The following NAV3 variants were observed in gnomAD, a reference collection of about 807,000 sequenced individuals.
NAV3 encodes pore membrane and/or filament interacting like protein 1.
NAV3 carries 87 observed loss-of-function variants against 244.7 expected under a neutral mutation model. The observed-to-expected ratio is 0.36, with a 90% CI of 0.30 to 0.42. NAV3 has a LOEUF of 0.42. Among genes scored for constraint, NAV3 ranks in the 20% least tolerant of loss-of-function variants. The pLI is 1.00. For synonymous variants in NAV3, 1,126 were observed against 1,042.2 expected (o/e 1.08, Z -1.55); for missense variants, 2,663 against 2,893.3 (o/e 0.92, Z 1.83).
intron 9 of NAV3, among the ~76,000 whole-genome samples, chr12:78,024,046 T>C (rs1380076855): frequency 6.6e-6 from 1 of 152,196 alleles, no homozygotes; most frequent in Non-Finnish European, 1.5e-5. Flanking sequence ...ATCATTTCAG[T>C]ATTCTTCCTT....
intron 2 of NAV3, among the ~76,000 whole-genome samples, chr12:77,585,791 G>T (rs1869579247): frequency 6.6e-6 from 1 of 152,128 alleles, no homozygotes; most frequent in African/African-American, 2.4e-5. Context: ...CTGGGGGTTG[G>T]GCACCCTTGA....
chr12:78,104,972 G>C (rs752318972), intron 12 of NAV3, among the ~76,000 whole-genome samples: 9 of 152,040 alleles, frequency 5.9e-5, no homozygotes, highest in Non-Finnish European at 1.0e-4. Flanking sequence ...CTTTCTAAAT[G>C]AGTTTTTGTT....
chr12:77,697,662 G>A (rs1282152806), intron 2 of NAV3, among the ~76,000 whole-genome samples: 2 of 151,940 alleles, frequency 1.3e-5, no homozygotes, highest in South Asian at 2.1e-4. Flanking sequence ...TTTAGTAAGT[G>A]GTTATATATA....
chr12:78,200,630 A>T (rs1184055184), intron 38 of NAV3, 39 bp downstream of exon 38: 1 of 1,249,394 alleles, frequency 8.0e-7, no homozygotes, highest in Admixed American at 2.4e-5. Context: ...TTTTTTAAAA[A>T]AAAAAAGCAA....
At chr12:78,025,593 C>A (rs1877898058) in intron 9 of NAV3, among the ~76,000 whole-genome samples, 3 of 49,496 alleles carry the variant, frequency 6.1e-5, no homozygotes, top group Admixed American at 3.0e-4. Flanking sequence ...TAGACTCCAT[C>A]TCAAAAAAAA....
chr12:77,978,477 G>A (rs1281185895), intron 5 of NAV3, among the ~76,000 whole-genome samples: 2 of 152,020 alleles, frequency 1.3e-5, no homozygotes, highest in Non-Finnish European at 2.9e-5. Flanking sequence ...GATTATATAT[G>A]TAATTATTTC....
chr12:77,784,155 A>C (rs1468146862), intron 2 of NAV3, among the ~76,000 whole-genome samples: 1 of 152,198 alleles, frequency 6.6e-6, no homozygotes, highest in Non-Finnish European at 1.5e-5. Context: ...CCTGCCACTC[A>C]GTAACAACAC....
chr12:77,933,180 G>A (rs752901482), intron 1 of NAV3, among the ~76,000 whole-genome samples: 17 of 152,104 alleles, frequency 1.1e-4, no homozygotes, highest in Non-Finnish European at 1.9e-4. Flanking sequence ...TAAATTACTT[G>A]ATCAGATTTG....
chr12:77,661,241 C>T (rs991610514), intron 2 of NAV3, among the ~76,000 whole-genome samples: 3 of 152,110 alleles, frequency 2.0e-5, no homozygotes, highest in Non-Finnish European at 4.4e-5. Flanking sequence ...CCCTCAACAG[C>T]TTCAGTTTGT....
chr12:78,182,103 T>G (rs925835868), intron 30 of NAV3, among the ~76,000 whole-genome samples: 4 of 152,008 alleles, frequency 2.6e-5, no homozygotes, highest in African/African-American at 9.7e-5. Context: ...CAAGTACAAC[T>G]AATGTCAGAA....
At chr12:77,802,118 G>A (rs1481512970) in intron 2 of NAV3, among the ~76,000 whole-genome samples, 3 of 152,126 alleles carry the variant, frequency 2.0e-5, no homozygotes, top group Non-Finnish European at 4.4e-5. Flanking sequence ...TCTTCTAGAA[G>A]GAGCCTTTGG....
chr12:77,669,458 C>CA (rs1417858895), intron 2 of NAV3, among the ~76,000 whole-genome samples: 2 of 152,126 alleles, frequency 1.3e-5, no homozygotes, highest in African/African-American at 4.8e-5. Context: ...TCAGGAGACT[C>CA]ACCTGACACA....
intron 1 of NAV3, among the ~76,000 whole-genome samples, chr12:77,869,723 A>G (rs1182992819): frequency 6.6e-6 from 1 of 152,100 alleles, no homozygotes; most frequent in African/African-American, 2.4e-5. Context: ...TGTTCCTTTC[A>G]TTCAGAGCCC....
intron 22 of NAV3, among the ~76,000 whole-genome samples, chr12:78,154,803 G>C (rs1206106493): frequency 1.3e-5 from 2 of 151,952 alleles, no homozygotes; most frequent in Admixed American, 1.3e-4. Flanking sequence ...AAGTCTCTCA[G>C]ACAAGATGTG....
At chr12:77,667,077 G>C (rs970781391) in intron 2 of NAV3, among the ~76,000 whole-genome samples, 5 of 152,140 alleles carry the variant, frequency 3.3e-5, no homozygotes, top group Non-Finnish European at 7.3e-5. Context: ...TATGCAGAAC[G>C]TAAAGTCTGA....
At chr12:78,110,426 G>A (rs977879648) in intron 12 of NAV3, among the ~76,000 whole-genome samples, 1 of 151,928 alleles carries the variant, frequency 6.6e-6, no homozygotes, top group Non-Finnish European at 1.5e-5. Flanking sequence ...CATAGAATTA[G>A]AATAATCCTA....
chr12:78,200,055 T>C (rs1405429470), intron 37 of NAV3, among the ~76,000 whole-genome samples: 1 of 152,098 alleles, frequency 6.6e-6, no homozygotes, highest in Non-Finnish European at 1.5e-5. Context: ...TTGTTATGCA[T>C]CATAAAAATG....
intron 2 of NAV3, among the ~76,000 whole-genome samples, chr12:77,727,106 C>T (rs1876913121): frequency 1.3e-5 from 2 of 151,842 alleles, no homozygotes; most frequent in African/African-American, 2.4e-5. Context: ...ACAGATTTGT[C>T]GATAGAGATG....
At chr12:78,157,724 G>A (rs899639799) in intron 22 of NAV3, among the ~76,000 whole-genome samples, 1 of 151,566 alleles carries the variant, frequency 6.6e-6, no homozygotes, top group Admixed American at 6.6e-5. Context: ...AATTAAATCT[G>A]CTAACAAATT....
Sources: gnomAD v4.1 joint callset for allele counts (sites outside exome capture counted in the v4.1 genomes callset) on GRCh38, gnomAD v4.1.1 for gene constraint, MANE v1.5 for transcripts, NCBI Gene and HGNC (gene_info 2026-07-23, HGNC 2026-07-21) for gene names.